The following SGCZ variants were observed in gnomAD, a reference collection of about 807,000 sequenced individuals.
SGCZ encodes the protein zeta-sarcoglycan.
Under a neutral mutation model 41.3 loss-of-function variants are expected in SGCZ, and 40 were observed. The ratio of observed to expected loss-of-function variants is 0.97; its 90% confidence interval spans 0.75 to 1.26. The LOEUF is 1.26. SGCZ is among the 50% of genes most tolerant of loss of function. The pLI is 0.00. For missense variants in SGCZ, 552 were observed against 369.8 expected, an observed-to-expected ratio of 1.49 and a Z score of -4.04; for synonymous variants, 206 against 137.5, an observed-to-expected ratio of 1.50 and a Z score of -3.49.
intron 3 of SGCZ, among the ~76,000 whole-genome samples, chr8:14,322,697 C>G (rs556867204): frequency 1.3e-5 from 2 of 152,080 alleles, no homozygotes; most frequent in Non-Finnish European, 2.9e-5. Flanking sequence ...AGTAAGGAGG[C>G]ATTTTCAGAG....
chr8:14,444,571 C>G (rs1268317625), intron 2 of SGCZ, among the ~76,000 whole-genome samples: 1 of 148,908 alleles, frequency 6.7e-6, no homozygotes, highest in Non-Finnish European at 1.5e-5. Context: ...AACAAAAAAC[C>G]AAACACCACA....
intron 2 of SGCZ, among the ~76,000 whole-genome samples, chr8:14,475,490 G>A (rs1801332356): frequency 6.6e-6 from 1 of 152,046 alleles, no homozygotes; most frequent in African/African-American, 2.4e-5. Flanking sequence ...TGTTATTAAA[G>A]CAAAAGAGAA....
At chr8:15,004,327 C>T (rs1285888526) in intron 1 of SGCZ, among the ~76,000 whole-genome samples, 1 of 152,106 alleles carries the variant, frequency 6.6e-6, no homozygotes, top group Non-Finnish European at 1.5e-5. Context: ...CAGGCCCACG[C>T]ATGTGCACCA....
intron 1 of SGCZ, among the ~76,000 whole-genome samples, chr8:15,211,038 TATAGATATAG>T (rs1161034996): frequency 6.7e-6 from 1 of 149,440 alleles, no homozygotes; most frequent in Non-Finnish European, 1.5e-5. Flanking sequence ...CATATATAGA[TATAGATATAG>T]ATAGATATAG....
At chr8:14,757,804 G>A (rs996087727) in intron 1 of SGCZ, among the ~76,000 whole-genome samples, 7 of 152,046 alleles carry the variant, frequency 4.6e-5, no homozygotes, top group South Asian at 2.1e-4. Flanking sequence ...ATCATTTTAC[G>A]TAAATATTTG....
chr8:14,859,054 TA>T (rs1803635480), intron 1 of SGCZ, among the ~76,000 whole-genome samples: 1 of 152,142 alleles, frequency 6.6e-6, no homozygotes, highest in African/African-American at 2.4e-5. Flanking sequence ...GTCAAAATGG[TA>T]TTTCATGAAA....
At chr8:14,540,730 G>T (rs1178313110) in intron 2 of SGCZ, among the ~76,000 whole-genome samples, 1 of 151,708 alleles carries the variant, frequency 6.6e-6, no homozygotes, top group Non-Finnish European at 1.5e-5. Flanking sequence ...GTAGTCATTT[G>T]TAAGGCGTTC....
At chr8:14,230,701 T>C (rs569109820) in intron 4 of SGCZ, among the ~76,000 whole-genome samples, 1 of 151,972 alleles carries the variant, frequency 6.6e-6, no homozygotes, top group South Asian at 2.1e-4. Context: ...TATTCCTACA[T>C]GTTTTAATAA....
At chr8:14,262,966 G>A (rs1030452764) in intron 3 of SGCZ, among the ~76,000 whole-genome samples, 3 of 151,978 alleles carry the variant, frequency 2.0e-5, no homozygotes, top group Non-Finnish European at 4.4e-5. Context: ...TGATTTACGC[G>A]AACACTTGCC....
intron 1 of SGCZ, among the ~76,000 whole-genome samples, chr8:14,781,535 T>C (rs369284594): frequency 6.6e-6 from 1 of 152,140 alleles, no homozygotes; most frequent in East Asian, 1.9e-4. Flanking sequence ...AGACTAAAAA[T>C]ATGTTTGATT....
intron 4 of SGCZ, among the ~76,000 whole-genome samples, chr8:14,215,749 T>C (rs2117106425): frequency 6.6e-6 from 1 of 151,960 alleles, no homozygotes; most frequent in East Asian, 1.9e-4. Flanking sequence ...ATAAAACAAC[T>C]CAAAAGACTA....
At chr8:14,225,870 G>A (rs1246206060) in intron 4 of SGCZ, among the ~76,000 whole-genome samples, 7 of 152,092 alleles carry the variant, frequency 4.6e-5, no homozygotes, top group African/African-American at 1.4e-4. Flanking sequence ...TTTCAATAAT[G>A]AGAATCTTTG....
intron 1 of SGCZ, among the ~76,000 whole-genome samples, chr8:15,116,994 T>C (rs60071447): frequency 0.016 from 2,504 of 152,372 alleles, 62 homozygotes; most frequent in African/African-American, 0.057. Context: ...CTATTCTGAA[T>C]AATAACAGTT....
intron 1 of SGCZ, among the ~76,000 whole-genome samples, chr8:15,142,297 C>G (rs1202587642): frequency 6.6e-6 from 1 of 152,000 alleles, no homozygotes. Flanking sequence ...TCTTATTGCA[C>G]TCTGAGAAGT....
intron 3 of SGCZ, among the ~76,000 whole-genome samples, chr8:14,245,206 T>C (rs1191280493): frequency 6.6e-6 from 1 of 152,180 alleles, no homozygotes; most frequent in Non-Finnish European, 1.5e-5. Flanking sequence ...TTTTTGCCCA[T>C]TCAGTATGAT....
intron 1 of SGCZ, among the ~76,000 whole-genome samples, chr8:14,945,628 G>C (rs910806983): frequency 6.6e-6 from 1 of 151,892 alleles, no homozygotes; most frequent in African/African-American, 2.4e-5. Context: ...GGAGGAGATT[G>C]GCATGTGAGT....
At chr8:14,633,507 A>T (rs1236958240) in intron 1 of SGCZ, among the ~76,000 whole-genome samples, 1 of 151,648 alleles carries the variant, frequency 6.6e-6, no homozygotes, top group African/African-American at 2.4e-5. Context: ...TTTATTATTT[A>T]TTAGCAAGCA....
At chr8:14,668,150 G>C (rs984204475) in intron 1 of SGCZ, among the ~76,000 whole-genome samples, 2 of 152,034 alleles carry the variant, frequency 1.3e-5, no homozygotes, top group Middle Eastern at 3.2e-3. Context: ...GTAGAGACGG[G>C]GGATTCACCA....
intron 1 of SGCZ, among the ~76,000 whole-genome samples, chr8:14,664,015 A>G (rs924802492): frequency 6.6e-6 from 1 of 152,140 alleles, no homozygotes; most frequent in Non-Finnish European, 1.5e-5. Context: ...AAATTTTAAC[A>G]TAATCAAAAT....
Sources: gnomAD v4.1 joint callset for allele counts (sites outside exome capture counted in the v4.1 genomes callset) on GRCh38, gnomAD v4.1.1 for gene constraint, MANE v1.5 for transcripts, NCBI Gene and HGNC (gene_info 2026-07-23, HGNC 2026-07-21) for gene names.